PLCE1: variants seen among roughly 807,000 people sequenced by gnomAD.
PLCE1 encodes the protein phospholipase C epsilon 1.
In PLCE1, 119 loss-of-function variants were observed where a neutral mutation model predicts 242.8. The observed-to-expected ratio is 0.49, with a 90% CI of 0.42 to 0.57. The LOEUF is 0.57. PLCE1 is among the 20% of genes least tolerant of loss of function. The probability of loss-of-function intolerance (pLI) is 0.00; values close to 1 mark genes in which losing one functional copy is unlikely to be tolerated. For missense variants in PLCE1, 2,441 were observed against 2,788.8 expected, an observed-to-expected ratio of 0.88 and a Z score of 2.81; for synonymous variants, 945 against 1,017.4, an observed-to-expected ratio of 0.93 and a Z score of 1.35.
intron 4 of PLCE1, among the ~76,000 whole-genome samples, chr10:94,192,317 T>C (rs2048693268): frequency 6.6e-6 from 1 of 152,174 alleles, no homozygotes; most frequent in African/African-American, 2.4e-5. Flanking sequence ...ACCCAATAGG[T>C]AGTTTTTCAG....
intron 4 of PLCE1, among the ~76,000 whole-genome samples, chr10:94,182,978 G>A (rs1222144053): frequency 6.6e-6 from 1 of 152,140 alleles, no homozygotes; most frequent in African/African-American, 2.4e-5. Flanking sequence ...TAATAAACAT[G>A]ACCCAGAGAA....
At chr10:94,242,188 A>C (rs1327720834) in intron 7 of PLCE1, among the ~76,000 whole-genome samples, 1 of 152,238 alleles carries the variant, frequency 6.6e-6, no homozygotes. Context: ...GAGCTAAATA[A>C]GACACAAATG....
At chr10:94,104,199 T>G (rs2045642931) in intron 2 of PLCE1, 1 of 152,218 alleles carries the variant, frequency 6.6e-6, no homozygotes, top group African/African-American at 2.4e-5. Flanking sequence ...CAGCAGGCAC[T>G]GCTCAAAACA....
At chr10:94,295,554 C>T (rs527512036) in intron 23 of PLCE1, among the ~76,000 whole-genome samples, 27 of 152,272 alleles carry the variant, frequency 1.8e-4, no homozygotes, top group African/African-American at 5.3e-4. Context: ...ATTAACTTCT[C>T]CCAAACTTCT....
At chr10:94,152,676 C>T (rs1473139761) in intron 3 of PLCE1, among the ~76,000 whole-genome samples, 1 of 152,136 alleles carries the variant, frequency 6.6e-6, no homozygotes, top group African/African-American at 2.4e-5. Flanking sequence ...GCTGATAGAA[C>T]TGAATAAGAT....
chr10:94,098,346 A>G (rs2045393468), intron 2 of PLCE1, among the ~76,000 whole-genome samples: 1 of 152,212 alleles, frequency 6.6e-6, no homozygotes, highest in Admixed American at 6.5e-5. Context: ...TTGTTTTATC[A>G]ATCTCCCCTC....
chr10:94,303,871 T>C (rs1272661561), intron 24 of PLCE1, among the ~76,000 whole-genome samples: 1 of 152,200 alleles, frequency 6.6e-6, no homozygotes, highest in East Asian at 1.9e-4. Flanking sequence ...TTGTTATTTT[T>C]CCCTAAACAA....
At chr10:94,109,027 A>G (rs1439805573) in intron 2 of PLCE1, 2 of 152,216 alleles carry the variant, frequency 1.3e-5, no homozygotes, top group African/African-American at 4.8e-5. Context: ...TGATATAGAC[A>G]AGCAGAAACC....
chr10:94,179,865 A>G (rs576449460), intron 4 of PLCE1, among the ~76,000 whole-genome samples: 9 of 151,858 alleles, frequency 5.9e-5, no homozygotes, highest in South Asian at 2.1e-4. Flanking sequence ...TTATATGAGT[A>G]TTCAGAGAAA....
Position 94,031,029 on chromosome 10 carries a change from C to G in PLCE1, c.-18C>G. On this transcript the variant is annotated 5_prime_UTR_variant, in exon 2 of 33. Coordinates refer to ENST00000371380, the MANE Select transcript of PLCE1 (RefSeq NM_016341.4). The stretch of plus-strand genomic sequence containing the variant: ...AGGAAAAATAGAGCAATAGTCAAAA[C>G]CTGTGTGTTAGTCCAAGATGACTTC... 1 of 1,613,036 alleles carries G rather than the reference C, an allele frequency of 6.2e-7. No individual in the cohort carries two copies. The highest frequency in any genetic ancestry group is 8.5e-7 in the Non-Finnish European group (1 of 1,179,210).
chr10:94,262,512 T>C lies in PLCE1; in HGVS notation c.3833T>C (p.Val1278Ala), dbSNP rs1340734586. 1 of 1,612,690 alleles carries C rather than the reference T, an allele frequency of 6.2e-7. No homozygotes were observed. Among genetic ancestry groups the C allele is most frequent in the Non-Finnish European group, 8.5e-7 (1 of 1,178,810 alleles). Reference protein sequence around the residue: ...QPDLDLLTRNVSDLGLFIKSK... With the variant: ...QPDLDLLTRNASDLGLFIKSK... ...GTTTCAGATCTGTTGACCAGAAATG[T>C]CTCGGATTTGGGGTTGTTCATTAAG... The change falls in exon 14 of 33, where the codon GTC (valine) becomes GCC (alanine). Residue 1278 changes from valine (V) to alanine (A), a missense_variant. Physicochemically the swap from Val to Ala is moderately conservative, Grantham distance 64 (BLOSUM62 0). This residue lies in a region of PLCE1 where 1,004 missense variants were observed against 1,322.7 expected (regional missense o/e 0.76). Coordinates refer to ENST00000371380, the MANE Select transcript of PLCE1 (RefSeq NM_016341.4).
intron 2 of PLCE1, among the ~76,000 whole-genome samples, chr10:94,087,735 G>A (rs992046200): frequency 1.6e-4 from 25 of 152,096 alleles, no homozygotes; most frequent in African/African-American, 4.3e-4. Flanking sequence ...GAGCCACCAT[G>A]CCTGTCCCCA....
intron 25 of PLCE1, among the ~76,000 whole-genome samples, chr10:94,305,168 C>T (rs1363822353): frequency 6.6e-6 from 1 of 152,184 alleles, no homozygotes; most frequent in African/African-American, 2.4e-5. Context: ...GTGGCTCACG[C>T]CTGTAATCCT....
In PLCE1 at chr10:94,329,792, A is replaced by AAC. The variant is rs2054136064; in HGVS notation, c.*1850_*1851insCA. The AAC allele has an allele frequency of 1.3e-5, 2 of 149,502 alleles. No individual in the cohort carries two copies. Among genetic ancestry groups the AAC allele is most frequent in the Admixed American group, 1.3e-4 (2 of 14,944 alleles). 9.3% of individuals were successfully genotyped at this position (149,502 alleles called of 1,614,324 possible). On this transcript the variant is annotated 3_prime_UTR_variant, in exon 33 of 33. Transcript: ENST00000371380. ...ACTCCGTCTCAAAAAAAAAAAAAAA[A>AAC]AAAAAAAAAAAAAAAAAAACACCAT...
intron 2 of PLCE1, among the ~76,000 whole-genome samples, chr10:94,127,987 C>CTT (rs33916545): frequency 0.024 from 2,809 of 118,262 alleles, 159 homozygotes; most frequent in African/African-American, 0.077. Flanking sequence ...AATACCTTGA[C>CTT]TTTTTTTTTT....
chr10:94,294,815 C>G (rs897708998), intron 23 of PLCE1, among the ~76,000 whole-genome samples: 2 of 151,434 alleles, frequency 1.3e-5, no homozygotes, highest in African/African-American at 4.9e-5. Flanking sequence ...AAGAAGGCAA[C>G]AGTGAAGTCT....
chr10:94,101,024 T>C (rs1051031655), intron 2 of PLCE1, among the ~76,000 whole-genome samples: 2 of 151,998 alleles, frequency 1.3e-5, no homozygotes, highest in Non-Finnish European at 2.9e-5. Context: ...CATGATGGAT[T>C]TGGGACCCCT....
chr10:94,223,064 G>GT (rs1462500178), intron 4 of PLCE1, among the ~76,000 whole-genome samples: 1 of 151,994 alleles, frequency 6.6e-6, no homozygotes, highest in African/African-American at 2.4e-5. Flanking sequence ...TGATGGCATG[G>GT]TCTCAGGGCA....
chr10:94,009,136 A>G (rs112786137), intron 1 of PLCE1, among the ~76,000 whole-genome samples: 2,356 of 152,288 alleles, frequency 0.015, 26 homozygotes, highest in African/African-American at 0.031. Flanking sequence ...TGCATAGGAA[A>G]CATGGTACTG....
Sources: allele counts gnomAD v4.1 joint callset (sites outside exome capture counted in the v4.1 genomes callset), GRCh38; gene constraint gnomAD v4.1.1; regional missense constraint gnomAD v4.1.1; transcripts MANE v1.5; gene names NCBI Gene and HGNC (gene_info 2026-07-23, HGNC 2026-07-21).